The following CDH13 variants were observed in gnomAD, a reference collection of about 807,000 sequenced individuals.
CDH13 encodes cadherin-13.
CDH13 carries 24 observed loss-of-function variants against 63.8 expected under a neutral mutation model. The observed-to-expected ratio is 0.38, with a 90% confidence interval of 0.27 to 0.53. The LOEUF is 0.53. CDH13 is among the 20% of genes least tolerant of loss of function. CDH13 has a pLI of 0.85. For synonymous variants in CDH13, 503 were observed against 355.3 expected (o/e 1.42, Z -4.67); for missense variants, 1,049 against 903.1 (o/e 1.16, Z -2.07).
intron 1 of CDH13, among the ~76,000 whole-genome samples, chr16:82,791,309 G>A (rs1192733942): frequency 6.6e-6 from 1 of 151,804 alleles, no homozygotes. Context: ...TAAACACGGG[G>A]CTTGTAACTC....
At chr16:83,573,076 A>G (rs1054898233) in intron 7 of CDH13, among the ~76,000 whole-genome samples, 2 of 152,212 alleles carry the variant, frequency 1.3e-5, no homozygotes, top group African/African-American at 4.8e-5. Flanking sequence ...TCACACCATG[A>G]AACATTAATA....
chr16:83,386,036 T>A (rs2091666978), intron 6 of CDH13, among the ~76,000 whole-genome samples: 1 of 152,208 alleles, frequency 6.6e-6, no homozygotes, highest in South Asian at 2.1e-4. Flanking sequence ...AACACTTCAA[T>A]GTTCTCCATC....
rs1170379542 is a variant in CDH13, at chr16:83,047,740, G to A, written c.366+15522G>A. Among the ~76,000 whole-genome samples, 1 of 152,176 alleles carries A rather than the reference G, an allele frequency of 6.6e-6. No homozygotes were observed. The highest frequency in any genetic ancestry group is 2.4e-5 in the African/African-American group (1 of 41,462). The stretch of plus-strand genomic sequence containing the variant: ...AAATGCTGGAGACAGAATGAATATT[G>A]ATATTAATAATGCAGATCGTAGTCA... On this transcript the variant is annotated intron_variant, in intron 3 of 13. Transcript: ENST00000567109. This position sits in a 1 kb window ranked among gnomAD's most constrained non-coding sequence, Gnocchi z 4.9.
chr16:83,662,021 AT>A (rs1203660503), intron 8 of CDH13, among the ~76,000 whole-genome samples: 4 of 152,102 alleles, frequency 2.6e-5, no homozygotes, highest in African/African-American at 7.2e-5. Context: ...TCAACCCAGG[AT>A]CACCCTGGGT....
At chr16:83,619,576 C>G (rs944547424) in intron 8 of CDH13, among the ~76,000 whole-genome samples, 1 of 152,244 alleles carries the variant, frequency 6.6e-6, no homozygotes, top group Non-Finnish European at 1.5e-5. Flanking sequence ...TGTCCCCACA[C>G]TTCTGGTGGC....
At chr16:82,777,577 T>C (rs144273717) in intron 1 of CDH13, among the ~76,000 whole-genome samples, 217 of 152,334 alleles carry the variant, frequency 1.4e-3, no homozygotes, top group African/African-American at 4.8e-3. Flanking sequence ...TAGTAATCTA[T>C]GGTTATACAA....
At chr16:83,093,539 C>A (rs998944842) in intron 3 of CDH13, among the ~76,000 whole-genome samples, 1 of 151,776 alleles carries the variant, frequency 6.6e-6, no homozygotes. Context: ...AGCCTGGTCT[C>A]GAACTCCTGA....
In CDH13 at chr16:82,644,461, C is replaced by T. The variant is rs909495108; in HGVS notation, c.45+17324C>T. ...TGGGTTGATGATTTCTATCCTTTGT[C>T]ATGTTGAAAATGCTGAGTGACAAAG... is the stretch of plus-strand genomic sequence containing the variant. On this transcript the variant is annotated intron_variant, in intron 1 of 13. Coordinates refer to ENST00000567109, the MANE Select transcript of CDH13 (RefSeq NM_001257.5). The surrounding 1 kb of genome is among the most constrained non-coding windows in gnomAD (Gnocchi z 5.7). Among the ~76,000 whole-genome samples the T allele has an allele frequency of 4.6e-5, 7 of 152,144 alleles. No homozygotes were observed. Among genetic ancestry groups the T allele is most frequent in the Non-Finnish European group, 7.3e-5 (5 of 68,030 alleles).
intron 4 of CDH13, among the ~76,000 whole-genome samples, chr16:83,207,992 G>T (rs2039231933): frequency 6.6e-6 from 1 of 152,164 alleles, no homozygotes; most frequent in Admixed American, 6.5e-5. Context: ...CCCTCATTGT[G>T]TGTTGCTGGA....
At chr16:82,766,804 A>G (rs1323049123) in intron 1 of CDH13, among the ~76,000 whole-genome samples, 1 of 152,208 alleles carries the variant, frequency 6.6e-6, no homozygotes, top group Non-Finnish European at 1.5e-5. Flanking sequence ...ATAATATAAA[A>G]TATACTATAA....
intron 6 of CDH13, among the ~76,000 whole-genome samples, chr16:83,378,937 T>C (rs901030464): frequency 6.6e-6 from 1 of 152,102 alleles, no homozygotes; most frequent in Non-Finnish European, 1.5e-5. Context: ...ATATTTCTTA[T>C]AATTATTTCC....
intron 2 of CDH13, among the ~76,000 whole-genome samples, chr16:82,948,739 T>C (rs962837624): frequency 1.3e-5 from 2 of 152,156 alleles, no homozygotes; most frequent in African/African-American, 4.8e-5. Context: ...TTTACACCAC[T>C]CAAAAGCAGA....
At chr16:83,301,560 G>A (rs916099509) in intron 5 of CDH13, among the ~76,000 whole-genome samples, 7 of 152,126 alleles carry the variant, frequency 4.6e-5, no homozygotes, top group Non-Finnish European at 7.3e-5. Flanking sequence ...GAAACTGGTG[G>A]AGCAAGCAAG....
At chr16:83,488,163 G>C (rs1044300869) in intron 7 of CDH13, among the ~76,000 whole-genome samples, 3 of 152,200 alleles carry the variant, frequency 2.0e-5, no homozygotes, top group African/African-American at 7.2e-5. Context: ...CACATCTCAA[G>C]TGCTCAGCAG....
chr16:82,913,241 C>T (rs1199815517), intron 2 of CDH13, among the ~76,000 whole-genome samples: 2 of 151,976 alleles, frequency 1.3e-5, no homozygotes, highest in Non-Finnish European at 2.9e-5. Flanking sequence ...TTCCAAAGGG[C>T]AGGTAGCAGG....
chr16:83,608,126 G>C (rs1366566876), intron 8 of CDH13, among the ~76,000 whole-genome samples: 1 of 152,130 alleles, frequency 6.6e-6, no homozygotes, highest in Admixed American at 6.5e-5. Flanking sequence ...ATGGCAATTG[G>C]TCATTTAGAT....
At position 82,710,933 on chromosome 16, in the gene CDH13, A is replaced by AC. The variant is rs1555537927; in HGVS notation, c.45+83796_45+83797insC. ...GGCATATTTTATAAACTGTCACCTG[A>AC]TTTTTTTTTTACCCCAACATTAAAA... On this transcript the variant is annotated intron_variant, in intron 1 of 13. Transcript: ENST00000567109. Among the ~76,000 whole-genome samples the AC allele has an allele frequency of 2.3e-3, 346 of 147,392 alleles. 1 individual carries two copies. The highest frequency in any genetic ancestry group is 8.3e-3 in the African/African-American group (334 of 40,184).
At chr16:83,454,416 T>A (rs966307448) in intron 6 of CDH13, among the ~76,000 whole-genome samples, 1 of 152,250 alleles carries the variant, frequency 6.6e-6, no homozygotes, top group African/African-American at 2.4e-5. Context: ...AAATCAGCCC[T>A]AATTATTCCC....
At chr16:83,415,354 A>G (rs937573922) in intron 6 of CDH13, among the ~76,000 whole-genome samples, 5 of 152,216 alleles carry the variant, frequency 3.3e-5, no homozygotes, top group African/African-American at 1.2e-4. Context: ...AGAATTGATG[A>G]GAATCCTTCT....
Sources: allele counts gnomAD v4.1 joint callset (sites outside exome capture counted in the v4.1 genomes callset), GRCh38; gene constraint gnomAD v4.1.1; non-coding constraint Gnocchi (gnomAD v3.1); transcripts MANE v1.5; gene names NCBI Gene and HGNC (gene_info 2026-07-23, HGNC 2026-07-21).